The following CCSER1 variants were observed in gnomAD, a reference collection of about 807,000 sequenced individuals.
CCSER1 encodes the protein serine-rich coiled-coil domain-containing protein 1.
A neutral mutation model predicts 82.0 loss-of-function variants in CCSER1; 41 were observed. The observed-to-expected ratio is 0.50, with a 90% CI of 0.39 to 0.65. CCSER1 has a LOEUF of 0.65. Ranked by LOEUF, CCSER1 falls within the 30% of genes least tolerant of loss-of-function variation. CCSER1 has a pLI of 0.00. For synonymous variants in CCSER1, 414 were observed against 383.9 expected (o/e 1.08, Z -0.92); for missense variants, 1,119 against 1,064.2 (o/e 1.05, Z -0.72).
intron 7 of CCSER1, chr4:90,727,193 T>C (rs948663848): frequency 6.6e-6 from 3 of 454,264 alleles, no homozygotes; most frequent in Non-Finnish European, 1.3e-5. Context: ...GTTTTTGTTG[T>C]TTTTTAATAG....
intron 5 of CCSER1, among the ~76,000 whole-genome samples, chr4:90,618,767 C>A (rs1721763588): frequency 6.6e-6 from 1 of 151,680 alleles, no homozygotes; most frequent in Admixed American, 6.6e-5. Flanking sequence ...TGTTACACTG[C>A]AAGTATAAAA....
At chr4:90,697,765 T>A (rs562647097) in intron 6 of CCSER1, among the ~76,000 whole-genome samples, 2 of 152,176 alleles carry the variant, frequency 1.3e-5, no homozygotes, top group Non-Finnish European at 2.9e-5. Context: ...TGCAGGTATT[T>A]TTCCCTGTAT....
intron 4 of CCSER1, among the ~76,000 whole-genome samples, chr4:90,411,558 T>C (rs190188086): frequency 0.01 from 1,536 of 152,264 alleles, 17 homozygotes; most frequent in South Asian, 0.03. Context: ...AAAAGGCCTT[T>C]GACAAAATTC....
intron 3 of CCSER1, among the ~76,000 whole-genome samples, chr4:90,355,020 A>G (rs1399633046): frequency 6.6e-6 from 1 of 152,024 alleles, no homozygotes; most frequent in Non-Finnish European, 1.5e-5. Flanking sequence ...CTTCTAGTCT[A>G]TCTCATTAAC....
In CCSER1 at chr4:90,312,892, G is replaced by A. The variant is rs1442123173; in HGVS notation, c.1354G>A (p.Glu452Lys). 3.2e-6 allele frequency: 5 copies of A among 1,576,776 alleles called. No homozygotes were observed. The African/African-American group carries it at 5.4e-5, about 17-fold the overall frequency. Residue 452 changes from glutamate to lysine, a missense_variant, in exon 3 of 11, where the codon GAA becomes AAA. Physicochemically the swap from Glu to Lys is moderately conservative, Grantham distance 56 (BLOSUM62 1). Transcript: ENST00000509176. ...TGCCAGTAGTCTCAGTCCATTTCGT[G>A]AAGGAAGATTTATAGAGAGGAGACT... ...VLASSLSPFR[E>K]GRFIERRLRS...
intron 10 of CCSER1, among the ~76,000 whole-genome samples, chr4:91,433,134 G>A (rs567823228): frequency 1.8e-3 from 273 of 152,208 alleles, no homozygotes; most frequent in African/African-American, 6.1e-3. Context: ...TTATATGAAT[G>A]AAAATTTGAT....
At chr4:90,699,273 G>A (rs1383032651) in intron 6 of CCSER1, among the ~76,000 whole-genome samples, 5 of 152,018 alleles carry the variant, frequency 3.3e-5, no homozygotes, top group Non-Finnish European at 7.4e-5. Flanking sequence ...AGACCAGGCT[G>A]GCGAACATGG....
At chr4:91,385,648 A>G (rs910923802) in intron 10 of CCSER1, among the ~76,000 whole-genome samples, 1 of 152,026 alleles carries the variant, frequency 6.6e-6, no homozygotes, top group Non-Finnish European at 1.5e-5. Context: ...AAAAGGAAAA[A>G]AAAAAGCTTA....
At chr4:90,314,376 G>A (rs1351951807) in intron 3 of CCSER1, among the ~76,000 whole-genome samples, 1 of 152,066 alleles carries the variant, frequency 6.6e-6, no homozygotes, top group Non-Finnish European at 1.5e-5. Context: ...TTAAAAGTTA[G>A]GACTAATGAA....
intron 5 of CCSER1, among the ~76,000 whole-genome samples, chr4:90,483,704 AC>A (rs1409008489): frequency 1.3e-5 from 2 of 151,950 alleles, no homozygotes; most frequent in East Asian, 3.9e-4. Flanking sequence ...ATTGGCCCCC[AC>A]TCTCTTCTGG....
chr4:90,827,053 C>T (rs529008755), intron 8 of CCSER1, among the ~76,000 whole-genome samples: 25 of 152,312 alleles, frequency 1.6e-4, no homozygotes, highest in African/African-American at 6.0e-4. Context: ...AGTGGGAGCA[C>T]AGCTCACAAA....
intron 9 of CCSER1, among the ~76,000 whole-genome samples, chr4:90,934,642 G>C (rs7697301): frequency 6.6e-6 from 1 of 151,878 alleles, no homozygotes; most frequent in African/African-American, 2.4e-5. Context: ...AAAAATTGGG[G>C]GACTATCTGC....
intron 10 of CCSER1, among the ~76,000 whole-genome samples, chr4:91,594,380 C>CATATAT (rs1764435286): frequency 1.8e-3 from 249 of 136,378 alleles, no homozygotes; most frequent in African/African-American, 6.3e-3. Flanking sequence ...CATATATATA[C>CATATAT]ACACATATAT....
chr4:90,249,939 G>A (rs949601264), intron 1 of CCSER1, among the ~76,000 whole-genome samples: 2 of 152,022 alleles, frequency 1.3e-5, no homozygotes, highest in Non-Finnish European at 2.9e-5. Flanking sequence ...AACCATCCTA[G>A]TGGGCATAAA....
chr4:91,190,429 C>T (rs1194873663), intron 10 of CCSER1, among the ~76,000 whole-genome samples: 2 of 152,158 alleles, frequency 1.3e-5, no homozygotes, highest in East Asian at 3.9e-4. Flanking sequence ...TATATCATAT[C>T]CTCTATCCTT....
chr4:90,295,976 G>T (rs893442242), intron 1 of CCSER1, among the ~76,000 whole-genome samples: 3 of 151,820 alleles, frequency 2.0e-5, no homozygotes, highest in Non-Finnish European at 4.4e-5. Flanking sequence ...TTAAAATCAA[G>T]CCAATTCTCC....
intron 10 of CCSER1, among the ~76,000 whole-genome samples, chr4:91,248,794 A>G (rs1278938884): frequency 1.3e-5 from 2 of 151,702 alleles, no homozygotes; most frequent in Non-Finnish European, 2.9e-5. Context: ...ATTAATTATT[A>G]TTACAAATGC....
intron 10 of CCSER1, among the ~76,000 whole-genome samples, chr4:91,092,193 G>T (rs118067802): frequency 6.6e-6 from 1 of 152,272 alleles, no homozygotes; most frequent in South Asian, 2.1e-4. Flanking sequence ...TTGGTAGGCG[G>T]CATGTAGCTT....
intron 9 of CCSER1, among the ~76,000 whole-genome samples, chr4:90,986,053 G>A (rs1736553676): frequency 6.6e-6 from 1 of 151,636 alleles, no homozygotes; most frequent in African/African-American, 2.4e-5. Context: ...AGTTTACTAG[G>A]AGTTTAGCTG....
Sources: allele counts gnomAD v4.1 joint callset (sites outside exome capture counted in the v4.1 genomes callset), GRCh38; gene constraint gnomAD v4.1.1; transcripts MANE v1.5; gene names NCBI Gene and HGNC (gene_info 2026-07-23, HGNC 2026-07-21).